Variants in NECAB1 observed in about 807,000 individuals in gnomAD.
The protein encoded by NECAB1 is N-terminal EF-hand calcium-binding protein 1.
A neutral mutation model predicts 57.5 loss-of-function variants in NECAB1; 29 were observed. That is an observed-to-expected ratio of 0.50 (90% confidence interval 0.38 to 0.69). NECAB1 has a LOEUF of 0.69. NECAB1 is among the 30% of genes least tolerant of loss of function. The pLI, the probability that NECAB1 is intolerant of heterozygous loss-of-function variation, is 0.00. For missense variants in NECAB1, 372 were observed against 413.8 expected (o/e 0.90, Z 0.88); for synonymous variants, 142 against 147.7 (o/e 0.96, Z 0.28).
chr8:90,909,696 A>G (rs1809780812), intron 5 of NECAB1, among the ~76,000 whole-genome samples: 1 of 152,014 alleles, frequency 6.6e-6, no homozygotes, highest in South Asian at 2.1e-4. Flanking sequence ...TTTTTACTCC[A>G]TAAGTCATTT....
chr8:90,907,151 T>TGTGAGAGAGAGA (rs1341940094), intron 5 of NECAB1, among the ~76,000 whole-genome samples: 2 of 102,042 alleles, frequency 2.0e-5, no homozygotes, highest in East Asian at 6.0e-4. Flanking sequence ...TGTGTGTGTG[T>TGTGAGAGAGAGA]GAGAGAGAGA....
rs531849446 is a variant in NECAB1, at chr8:90,888,354, A to G, written c.357+7224A>G. On this transcript the variant is annotated intron_variant, in intron 5 of 12. Transcript: ENST00000417640. ...TGAACATACAGCCCCATTTCTGAAG[A>G]ACTGAACTTTGAAATTCTAAAAGCT... Among the ~76,000 whole-genome samples the G allele has an allele frequency of 3.9e-5, 6 of 152,354 alleles. No homozygotes were observed. The East Asian group carries it at 1.2e-3, about 29-fold the overall frequency.
intron 3 of NECAB1, among the ~76,000 whole-genome samples, chr8:90,868,724 A>G (rs1808564567): frequency 1.3e-5 from 2 of 152,230 alleles, no homozygotes; most frequent in African/African-American, 4.8e-5. Flanking sequence ...ACTTATATTT[A>G]AAAGGGAAGC....
chr8:90,918,709 C>T (rs1456105079), intron 6 of NECAB1, among the ~76,000 whole-genome samples: 1 of 152,042 alleles, frequency 6.6e-6, no homozygotes, highest in Admixed American at 6.6e-5. Context: ...TAGAGGGATC[C>T]GTCTCACCCA....
chr8:90,872,192 C>T (rs1445797850), intron 4 of NECAB1, 39 bp downstream of exon 4: 2 of 1,479,516 alleles, frequency 1.4e-6, no homozygotes, highest in South Asian at 1.3e-5. Flanking sequence ...CTATTACTTG[C>T]TTAAGAAGGA....
chr8:90,888,192 C>T (rs145588207), intron 5 of NECAB1, among the ~76,000 whole-genome samples: 1 of 152,176 alleles, frequency 6.6e-6, no homozygotes, highest in Non-Finnish European at 1.5e-5. Flanking sequence ...CTAGCGGGAA[C>T]ATTTATATTC....
chr8:90,846,147 T>G (rs906728725), intron 3 of NECAB1, among the ~76,000 whole-genome samples: 1 of 152,256 alleles, frequency 6.6e-6, no homozygotes, highest in Non-Finnish European at 1.5e-5. Flanking sequence ...TGGTGTTTGA[T>G]TTTAAAGTGA....
At chr8:90,798,590 G>A (rs1477388391) in intron 1 of NECAB1, among the ~76,000 whole-genome samples, 1 of 152,128 alleles carries the variant, frequency 6.6e-6, no homozygotes, top group Non-Finnish European at 1.5e-5. Flanking sequence ...CAGGATAATG[G>A]CCTCCAGTTG....
chr8:90,958,440 G>A lies in NECAB1; in HGVS notation c.*2928G>A, dbSNP rs1024367994. On this transcript the variant is annotated 3_prime_UTR_variant, in exon 13 of 13. Transcript: ENST00000417640. ...ACCATATTATTATCAAAAACCTAGA[G>A]ACCAATCATATATCTGAAAAGAAAT... 5.3e-5 allele frequency: 8 copies of A among 151,394 alleles called. No individual in the cohort carries two copies. The highest frequency in any genetic ancestry group is 1.0e-4 in the Non-Finnish European group (7 of 67,636). The allele number at this position is 151,394 out of a possible 1,614,324, so 9.4% of individuals were successfully genotyped here.
chr8:90,910,380 G>T (rs1586115315), intron 5 of NECAB1, among the ~76,000 whole-genome samples: 1 of 151,910 alleles, frequency 6.6e-6, no homozygotes, highest in Middle Eastern at 3.4e-3. Context: ...ATAATTTTTT[G>T]CTGCTTTTAA....
In NECAB1 at chr8:90,940,830, C is replaced by T. The variant is rs745978146; in HGVS notation, c.792C>T (p.Asp264=). The T allele has an allele frequency of 6.4e-7, 1 of 1,564,860 alleles. No homozygotes were observed. The highest frequency in any genetic ancestry group is 1.2e-5 in the South Asian group (1 of 84,738). Residue 264 remains aspartate, a synonymous_variant, in exon 10 of 13, where the codon GAC becomes GAT. Coordinates refer to ENST00000417640, the MANE Select transcript of NECAB1 (RefSeq NM_022351.5). ...GGCAGATGTCTGTGATAGAAGAGGA[C>T]CTGGAAGAATTCCAGCTCGCTCTGA... ...VQRQMSVIEE[D]LEEFQLALKH...
chr8:90,954,679 A>T (rs942492239), intron 12 of NECAB1, among the ~76,000 whole-genome samples: 3 of 151,726 alleles, frequency 2.0e-5, no homozygotes, highest in African/African-American at 4.8e-5. Flanking sequence ...TAACATACAG[A>T]TATACTAAAA....
chr8:90,888,727 A>G (rs989766509), intron 5 of NECAB1, among the ~76,000 whole-genome samples: 2 of 152,242 alleles, frequency 1.3e-5, no homozygotes, highest in Admixed American at 6.5e-5. Flanking sequence ...AAGAAAATGA[A>G]TATGTGCAAA....
chr8:90,825,463 T>G (rs1812209348), intron 3 of NECAB1, among the ~76,000 whole-genome samples: 1 of 151,938 alleles, frequency 6.6e-6, no homozygotes, highest in Non-Finnish European at 1.5e-5. Flanking sequence ...ATATGCTGCT[T>G]GTTTTGGGCA....
At chr8:90,925,402 C>T in intron 6 of NECAB1, 133 bp from the exon 7 acceptor site, 1 of 919,558 alleles carries the variant, frequency 1.1e-6, no homozygotes, top group Non-Finnish European at 1.6e-6. Flanking sequence ...AGAGCATTTA[C>T]AAGCAGTCAT....
intron 5 of NECAB1, among the ~76,000 whole-genome samples, chr8:90,904,705 TA>T (rs542583334): frequency 6.6e-6 from 1 of 151,538 alleles, no homozygotes; most frequent in Non-Finnish European, 1.5e-5. Flanking sequence ...AGACAAATAA[TA>T]AAAAAAATTG....
At chr8:90,874,209 C>T (rs1404753984) in intron 4 of NECAB1, among the ~76,000 whole-genome samples, 1 of 152,096 alleles carries the variant, frequency 6.6e-6, no homozygotes, top group Non-Finnish European at 1.5e-5. Context: ...CACAAATTCC[C>T]CCTTGTGCGT....
At chr8:90,939,991 T>G (rs905521677) in intron 9 of NECAB1, among the ~76,000 whole-genome samples, 4 of 152,272 alleles carry the variant, frequency 2.6e-5, no homozygotes, top group Non-Finnish European at 5.9e-5. Context: ...TTACTTTGAT[T>G]TGCACTTTTA....
At chr8:90,873,413 C>T (rs576160020) in intron 4 of NECAB1, among the ~76,000 whole-genome samples, 9 of 152,304 alleles carry the variant, frequency 5.9e-5, no homozygotes, top group South Asian at 2.1e-4. Flanking sequence ...GGACCATTGC[C>T]GTGAGGCTTT....
Sources: allele counts gnomAD v4.1 joint callset (sites outside exome capture counted in the v4.1 genomes callset), GRCh38; gene constraint gnomAD v4.1.1; transcripts MANE v1.5; gene names NCBI Gene and HGNC (gene_info 2026-07-23, HGNC 2026-07-21).